The following ORC5 variants were observed in gnomAD, a reference collection of about 807,000 sequenced individuals.
ORC5 encodes origin recognition complex subunit 5.
Under a neutral mutation model 58.8 loss-of-function variants are expected in ORC5, and 39 were observed. The observed-to-expected ratio is 0.66, with a 90% confidence interval of 0.51 to 0.87. ORC5 has a LOEUF of 0.87. ORC5 is among the 40% of genes least tolerant of loss of function. The pLI, the probability that ORC5 is intolerant of heterozygous loss-of-function variation, is 0.00. For missense variants in ORC5, 493 were observed against 506.3 expected (o/e 0.97, Z 0.25); for synonymous variants, 218 against 177.6 (o/e 1.23, Z -1.81).
intron 5 of ORC5, 110 bp from the exon 6 acceptor site, chr7:104,188,491 A>T: frequency 1.5e-6 from 1 of 675,610 alleles, no homozygotes. Context: ...ACCCAGCAAC[A>T]ATTAAGGAAT....
chr7:104,126,788 G>T lies in ORC5; in HGVS notation c.*60C>A. 7.7e-7 allele frequency: 1 copy of T among 1,304,564 alleles called. No homozygotes were observed. Among genetic ancestry groups the T allele is most frequent in the Non-Finnish European group, 1.1e-6 (1 of 915,874 alleles). The allele number at this position is 1,304,564 out of a possible 1,614,324, so 80.8% of individuals were successfully genotyped here. ...CCTCTCCTTGGCCAGCTAAGTAGCTGGATGAACACAGCTTGGCTTAGTCAT... is the reference window on the plus strand; with the variant it reads ...CCTCTCCTTGGCCAGCTAAGTAGCTTGATGAACACAGCTTGGCTTAGTCAT... On this transcript the variant is annotated 3_prime_UTR_variant, in exon 14 of 14. Coordinates refer to ENST00000297431, the MANE Select transcript of ORC5 (RefSeq NM_002553.4).
intron 12 of ORC5, among the ~76,000 whole-genome samples, chr7:104,157,375 C>T (rs1798943844): frequency 6.6e-6 from 1 of 151,900 alleles, no homozygotes; most frequent in African/African-American, 2.4e-5. Flanking sequence ...AAATGACTTG[C>T]TATTAAATTC....
intron 11 of ORC5, among the ~76,000 whole-genome samples, chr7:104,161,997 T>C (rs1352176872): frequency 1.3e-5 from 2 of 152,226 alleles, no homozygotes; most frequent in Non-Finnish European, 1.5e-5. Flanking sequence ...ACTAATAAAA[T>C]ATTTTATAAA....
intron 12 of ORC5, among the ~76,000 whole-genome samples, chr7:104,146,957 C>T (rs976855362): frequency 1.3e-5 from 2 of 152,098 alleles, no homozygotes; most frequent in African/African-American, 4.8e-5. Context: ...TTATGTTTTA[C>T]AACTGTGTGT....
intron 3 of ORC5, among the ~76,000 whole-genome samples, chr7:104,198,352 T>C (rs1645299984): frequency 6.6e-6 from 1 of 152,136 alleles, no homozygotes; most frequent in Admixed American, 6.5e-5. Context: ...ATATGGACAA[T>C]GAAGTACAGA....
chr7:104,181,991 A>C (rs1799443572), intron 8 of ORC5, among the ~76,000 whole-genome samples: 1 of 152,126 alleles, frequency 6.6e-6, no homozygotes, highest in South Asian at 2.1e-4. Flanking sequence ...ATGTTTCTTT[A>C]AAAAAAGCTA....
rs1799008895 is a variant in ORC5 at position 104,160,782 on chromosome 7, T to C, written c.1149+290A>G. On this transcript the variant is annotated intron_variant, in intron 12 of 13. Transcript: ENST00000297431. ...ATCAACTTGGTCATCAAGCCACTTG[T>C]TTAATTAGCAAGATAATTATGATTA... 4.6e-5 allele frequency among the ~76,000 whole-genome samples: 7 copies of C among 152,286 alleles called. No individual in the cohort carries two copies. The South Asian group carries it at 1.2e-3, about 27-fold the overall frequency.
At chr7:104,193,683 C>G (rs915361334) in intron 5 of ORC5, among the ~76,000 whole-genome samples, 3 of 150,604 alleles carry the variant, frequency 2.0e-5, no homozygotes, top group African/African-American at 7.3e-5. Flanking sequence ...TATTCCCCTT[C>G]TGAATGGCTT....
At position 104,146,774 on chromosome 7, in the gene ORC5, C is replaced by G. The variant is rs560866070; in HGVS notation, c.1150-9881G>C. Among the ~76,000 whole-genome samples, 138 of 152,126 alleles carry G rather than the reference C, an allele frequency of 9.1e-4. 1 individual carries two copies. The highest frequency in any genetic ancestry group is 1.8e-3 in the Non-Finnish European group (119 of 67,992). On this transcript the variant is annotated intron_variant, in intron 12 of 13. Coordinates refer to ENST00000297431, the MANE Select transcript of ORC5 (RefSeq NM_002553.4). ...TGCACAGGATAAAATTTCATATAAC[C>G]AAATATATATAGACATACACAAAAG... is the stretch of plus-strand genomic sequence containing the variant.
intron 8 of ORC5, among the ~76,000 whole-genome samples, chr7:104,174,435 A>T (rs779357030): frequency 8.5e-5 from 13 of 152,248 alleles, no homozygotes; most frequent in Non-Finnish European, 1.5e-4. Context: ...AAGGCATGCC[A>T]AAACAATCTA....
intron 5 of ORC5, among the ~76,000 whole-genome samples, chr7:104,191,622 G>C (rs1230514368): frequency 1.3e-5 from 2 of 150,774 alleles, no homozygotes; most frequent in South Asian, 4.2e-4. Flanking sequence ...AAGTAACCTA[G>C]CAACTTGTTT....
At chr7:104,157,445 TGTTA>T (rs1197772420) in intron 12 of ORC5, among the ~76,000 whole-genome samples, 2 of 152,064 alleles carry the variant, frequency 1.3e-5, no homozygotes, top group East Asian at 3.8e-4. Flanking sequence ...GATTATAAAA[TGTTA>T]ATTAGAAGAG....
intron 9 of ORC5, among the ~76,000 whole-genome samples, chr7:104,167,795 T>C (rs1289069617): frequency 2.6e-5 from 4 of 152,176 alleles, no homozygotes; most frequent in Non-Finnish European, 4.4e-5. Context: ...AGATAGAAAG[T>C]AGTGCAAATC....
At chr7:104,202,455 AC>A in intron 2 of ORC5, 1 of 440,556 alleles carries the variant, frequency 2.3e-6, no homozygotes, top group Non-Finnish European at 4.5e-6. Flanking sequence ...AAAGTCCACA[AC>A]ATCTCTGTTA....
chr7:104,199,328 C>T (rs9656091), intron 3 of ORC5, among the ~76,000 whole-genome samples: 43,294 of 151,978 alleles, frequency 0.28, 6,935 homozygotes, highest in African/African-American at 0.44. Flanking sequence ...AACTGTACCC[C>T]GCAAAGCCAC....
At position 104,127,181 on chromosome 7, in the gene ORC5, T is replaced by C. The variant is rs1326677707; in HGVS notation, c.1263-288A>G. Among the ~76,000 whole-genome samples the C allele has an allele frequency of 2.0e-5, 3 of 152,206 alleles. No homozygotes were observed. In the East Asian group the frequency reaches 5.8e-4, roughly 29 times the overall value. ...TACTTCAATTGTACTACAGAAAGTT[T>C]AGACTTCATTTGAAAGCTATTTGCT... On this transcript the variant is annotated intron_variant, in intron 13 of 13. Coordinates refer to ENST00000297431, the MANE Select transcript of ORC5 (RefSeq NM_002553.4).
At chr7:104,156,397 G>C (rs1312525658) in intron 12 of ORC5, among the ~76,000 whole-genome samples, 2 of 151,576 alleles carry the variant, frequency 1.3e-5, no homozygotes, top group South Asian at 2.1e-4. Context: ...AAGAAATTCA[G>C]AATAATGCCA....
At position 104,183,932 on chromosome 7, in the gene ORC5, T is replaced by C. The variant is rs1799487770; in HGVS notation, c.824+11A>G. The C allele has an allele frequency of 5.7e-6, 9 of 1,571,954 alleles. No homozygotes were observed. Among genetic ancestry groups the C allele is most frequent in the East Asian group, 2.2e-5 (1 of 44,588 alleles). ...TATAAAAACTAGTATGCATACTAAA[T>C]AGAAAATTACCTTGATATTTCCCTG... On this transcript the variant is annotated intron_variant, in intron 8 of 13. Coordinates refer to ENST00000297431, the MANE Select transcript of ORC5 (RefSeq NM_002553.4).
intron 8 of ORC5, among the ~76,000 whole-genome samples, chr7:104,180,708 C>A (rs991264614): frequency 1.3e-5 from 2 of 151,930 alleles, no homozygotes. Context: ...AGAAGCATTG[C>A]CAAATGGTAA....
Sources: gnomAD v4.1 joint callset for allele counts (sites outside exome capture counted in the v4.1 genomes callset) on GRCh38, gnomAD v4.1.1 for gene constraint, MANE v1.5 for transcripts, NCBI Gene and HGNC (gene_info 2026-07-23, HGNC 2026-07-21) for gene names.